The following FAR2 variants were observed in gnomAD, a reference collection of about 807,000 sequenced individuals.
FAR2 encodes the protein fatty acyl-CoA reductase 2, also known as epididymis secretory protein Li 81.
Under a neutral mutation model 56.0 loss-of-function variants are expected in FAR2, and 19 were observed. The ratio of observed to expected loss-of-function variants is 0.34; its 90% CI spans 0.24 to 0.50. FAR2 has a LOEUF of 0.50. Ranked by LOEUF, FAR2 falls within the 20% of genes least tolerant of loss-of-function variation. FAR2 has a pLI of 0.98. For missense variants in FAR2, 508 were observed against 642.2 expected, an observed-to-expected ratio of 0.79 and a Z score of 2.26; for synonymous variants, 219 against 218.8, an observed-to-expected ratio of 1.00 and a Z score of -0.01.
At chr12:29,210,689 C>G (rs1947534660) in intron 1 of FAR2, among the ~76,000 whole-genome samples, 2 of 152,146 alleles carry the variant, frequency 1.3e-5, no homozygotes, top group South Asian at 4.1e-4. Context: ...TGGCTGGGCT[C>G]ATGCCTGTAA....
rs1039203657 is a variant in FAR2, at chr12:29,239,274, T to C, written c.-38-31138T>C. Among the ~76,000 whole-genome samples, 6 of 152,000 alleles carry C rather than the reference T, an allele frequency of 3.9e-5. No homozygotes were observed. In the East Asian group the frequency reaches 1.2e-3, roughly 29 times the overall value. On this transcript the variant is annotated intron_variant, in intron 1 of 11. Coordinates refer to ENST00000536681, the MANE Select transcript of FAR2 (RefSeq NM_001271783.2). ...CTTAGCAAACTAAACAAATAGGGAA[T>C]TTACTGGAAGTAAAGGGGATAGCCA...
intron 1 of FAR2, among the ~76,000 whole-genome samples, chr12:29,207,595 T>A (rs1591851719): frequency 6.6e-6 from 1 of 151,414 alleles, no homozygotes; most frequent in Admixed American, 6.6e-5. Context: ...GTTTCTCTGA[T>A]TTTTTTTTCT....
At chr12:29,165,752 T>C (rs1248739664) in intron 1 of FAR2, among the ~76,000 whole-genome samples, 1 of 152,348 alleles carries the variant, frequency 6.6e-6, no homozygotes, top group Admixed American at 6.5e-5. Flanking sequence ...GGTAAACATT[T>C]GGAGCCTTGA....
intron 1 of FAR2, among the ~76,000 whole-genome samples, chr12:29,246,822 G>T (rs1948135045): frequency 6.6e-6 from 1 of 151,940 alleles, no homozygotes; most frequent in South Asian, 2.1e-4. Context: ...AAATAGAATT[G>T]CATATTACCA....
chr12:29,300,598 T>C (rs2136766632), intron 4 of FAR2, among the ~76,000 whole-genome samples: 1 of 152,194 alleles, frequency 6.6e-6, no homozygotes, highest in South Asian at 2.1e-4. Context: ...TTTTCCTTTC[T>C]TTCAGTGCAA....
intron 2 of FAR2, chr12:29,291,412 A>G: frequency 2.2e-6 from 1 of 456,064 alleles, no homozygotes; most frequent in Non-Finnish European, 4.4e-6. Context: ...TTTCATGCCT[A>G]CAGTTTGAAA....
chr12:29,275,188 G>C (rs1220735315), intron 2 of FAR2, among the ~76,000 whole-genome samples: 1 of 151,744 alleles, frequency 6.6e-6, no homozygotes, highest in Non-Finnish European at 1.5e-5. Context: ...ACAGGGGTGG[G>C]GCCGTTTTAT....
intron 1 of FAR2, among the ~76,000 whole-genome samples, chr12:29,158,914 T>C (rs1949754607): frequency 2.6e-5 from 4 of 152,370 alleles, no homozygotes. Flanking sequence ...CCACATCTTA[T>C]GACTGCAAAT....
intron 1 of FAR2, among the ~76,000 whole-genome samples, chr12:29,256,643 G>A (rs1948321629): frequency 6.6e-6 from 1 of 152,234 alleles, no homozygotes; most frequent in African/African-American, 2.4e-5. Context: ...AGGTGTGGAG[G>A]GAGAGGCGCG....
intron 10 of FAR2, among the ~76,000 whole-genome samples, chr12:29,324,443 T>C (rs1033996840): frequency 1.1e-4 from 16 of 152,002 alleles, no homozygotes; most frequent in African/African-American, 3.6e-4. Context: ...AAACACATAA[T>C]TGTCAGATTC....
At position 29,311,144 on chromosome 12, in the gene FAR2, C is replaced by T; in HGVS notation, c.885C>T (p.His295=). 6.2e-7 allele frequency: 1 copy of T among 1,608,496 alleles called. No individual in the cohort carries two copies. Among genetic ancestry groups the T allele is most frequent in the Non-Finnish European group, 8.5e-7 (1 of 1,175,132 alleles). The change falls in exon 7 of 12, where the codon CAC becomes CAT. Residue 295 remains histidine (H), a splice_region_variant and synonymous_variant. Coordinates refer to ENST00000536681, the MANE Select transcript of FAR2 (RefSeq NM_001271783.2). Reference sequence around the variant, plus strand: ...CTGTAGGATGGTATACTGCAGTTCACAGGTGTGGATGCTCAAGTGGGCTTT... The same window carrying T: ...CTGTAGGATGGTATACTGCAGTTCATAGGTGTGGATGCTCAAGTGGGCTTT... ...MLAVGWYTAV[H]RPKSTLVYHI... is the part of the protein sequence containing the mutation.
chr12:29,248,738 T>G (rs934604111), intron 1 of FAR2, among the ~76,000 whole-genome samples: 1 of 152,160 alleles, frequency 6.6e-6, no homozygotes, highest in African/African-American at 2.4e-5. Context: ...ATTTCACCCC[T>G]GCAGTCTCGA....
At chr12:29,332,855 C>G in intron 11 of FAR2, 128 bp downstream of exon 11, 1 of 850,106 alleles carries the variant, frequency 1.2e-6, no homozygotes, top group South Asian at 1.4e-5. Context: ...GTCCTGCACT[C>G]CATACTCTAC....
intron 10 of FAR2, among the ~76,000 whole-genome samples, chr12:29,326,777 A>G (rs11525563): frequency 6.8e-6 from 1 of 148,048 alleles, no homozygotes; most frequent in Non-Finnish European, 1.5e-5. Context: ...CTATCTATGA[A>G]AAACCCACAG....
chr12:29,156,611 G>A lies in FAR2; in HGVS notation c.-39+7204G>A, dbSNP rs764674183. The A allele has an allele frequency of 9.9e-5, 15 of 152,006 alleles. 1 individual carries two copies. The highest frequency in any genetic ancestry group is 2.2e-4 in the African/African-American group (9 of 41,376). 9.4% of individuals were successfully genotyped at this position (152,006 alleles called of 1,614,324 possible). A position where few individuals can be genotyped will look rare whatever the true frequency, so the allele number is the denominator to read the frequency against. On this transcript the variant is annotated intron_variant, in intron 1 of 11. Transcript: ENST00000536681. ...CAGATTGGATTTCCTATGAGTAGTC[G>A]CCTCTGATTTTTATTTCAATAATGA...
chr12:29,328,875 T>C (rs994660752), intron 10 of FAR2, among the ~76,000 whole-genome samples: 1 of 151,384 alleles, frequency 6.6e-6, no homozygotes, highest in African/African-American at 2.4e-5. Context: ...ACACGTATCC[T>C]AAAACTTAAA....
chr12:29,307,406 TGCC>T (rs1949269026), intron 4 of FAR2, among the ~76,000 whole-genome samples: 1 of 130,602 alleles, frequency 7.7e-6, no homozygotes, highest in South Asian at 2.5e-4. Context: ...CCTACCTGCC[TGCC>T]TACCTACCTA....
chr12:29,258,755 C>A (rs1948370011), intron 1 of FAR2, among the ~76,000 whole-genome samples: 1 of 152,096 alleles, frequency 6.6e-6, no homozygotes, highest in Admixed American at 6.5e-5. Context: ...CTCAGCTGAC[C>A]CTATGCTGGC....
intron 1 of FAR2, among the ~76,000 whole-genome samples, chr12:29,192,673 A>G (rs1387580520): frequency 1.3e-5 from 2 of 152,192 alleles, no homozygotes; most frequent in Non-Finnish European, 2.9e-5. Flanking sequence ...AACATATGAC[A>G]AGTGATATTT....
Sources: gnomAD v4.1 joint callset for allele counts (sites outside exome capture counted in the v4.1 genomes callset) on GRCh38, gnomAD v4.1.1 for gene constraint, MANE v1.5 for transcripts, NCBI Gene and HGNC (gene_info 2026-07-23, HGNC 2026-07-21) for gene names.